Variants in MYO5A observed in about 807,000 individuals in gnomAD.
The protein encoded by MYO5A is myosin VA.
MYO5A carries 98 observed loss-of-function variants against 249.7 expected under a neutral mutation model. The observed-to-expected ratio is 0.39, with a 90% CI of 0.33 to 0.46. The LOEUF (loss-of-function observed/expected upper bound fraction) is 0.46. Among genes scored for constraint, MYO5A ranks in the 20% least tolerant of loss-of-function variants. The pLI, the probability that MYO5A is intolerant of heterozygous loss-of-function variation, is 0.98. For synonymous variants in MYO5A, 778 were observed against 810.6 expected (o/e 0.96, Z 0.68); for missense variants, 1,696 against 2,308.8 (o/e 0.73, Z 5.44).
rs780326452 is a variant in MYO5A, at chr15:52,360,089, G to A, written c.3310-8C>T. 6.4e-7 allele frequency: 1 copy of A among 1,572,618 alleles called. No homozygotes were observed. Among genetic ancestry groups the A allele is most frequent in the South Asian group, 1.1e-5 (1 of 89,888 alleles). On this transcript the variant is annotated splice_region_variant and splice_polypyrimidine_tract_variant and intron_variant, in intron 24 of 41. Coordinates refer to ENST00000399233, the MANE Select transcript of MYO5A (RefSeq NM_001382347.1). Reference sequence around the variant, plus strand: ...TCCAGGCTTAGGCACATGCTGCAAGGCAAATAACCCAGGTATAATTAATGC... The same window carrying A: ...TCCAGGCTTAGGCACATGCTGCAAGACAAATAACCCAGGTATAATTAATGC...
At chr15:52,348,920 A>G in intron 28 of MYO5A, 94 bp from the exon 29 acceptor site, 2 of 1,343,158 alleles carry the variant, frequency 1.5e-6, no homozygotes, top group Non-Finnish European at 2.1e-6. Flanking sequence ...CTATTATAAC[A>G]GATAAAAGCT....
chr15:52,423,984 C>T (rs1248406739), intron 4 of MYO5A, among the ~76,000 whole-genome samples: 1 of 152,182 alleles, frequency 6.6e-6, no homozygotes, highest in African/African-American at 2.4e-5. Flanking sequence ...ATTCTCTGAG[C>T]ACTATATAAT....
At chr15:52,322,204 C>T (rs1271635815) in intron 37 of MYO5A, among the ~76,000 whole-genome samples, 2 of 152,264 alleles carry the variant, frequency 1.3e-5, no homozygotes, top group East Asian at 1.9e-4. Context: ...TTACCACCTA[C>T]TTAATGACTG....
intron 1 of MYO5A, among the ~76,000 whole-genome samples, chr15:52,491,058 C>T (rs977623501): frequency 6.6e-6 from 1 of 152,090 alleles, no homozygotes; most frequent in African/African-American, 2.4e-5. Flanking sequence ...ACATTACTGA[C>T]CTGTACACTT....
intron 1 of MYO5A, among the ~76,000 whole-genome samples, chr15:52,467,736 A>C (rs2076380420): frequency 6.6e-6 from 1 of 152,224 alleles, no homozygotes; most frequent in African/African-American, 2.4e-5. Context: ...GACTGTCTAA[A>C]GTCAAAGTGA....
intron 14 of MYO5A, 43 bp downstream of exon 14, chr15:52,387,786 C>T (rs1317062939): frequency 1.4e-6 from 2 of 1,379,998 alleles, no homozygotes; most frequent in Admixed American, 1.7e-5. Flanking sequence ...AAAGCTAATG[C>T]TTTGCATACA....
At chr15:52,454,221 T>C (rs979944728) in intron 1 of MYO5A, among the ~76,000 whole-genome samples, 9 of 152,132 alleles carry the variant, frequency 5.9e-5, no homozygotes, top group South Asian at 2.1e-4. Flanking sequence ...GCTATACTTG[T>C]ATCAGATAAA....
intron 36 of MYO5A, among the ~76,000 whole-genome samples, chr15:52,325,406 C>A (rs965619414): frequency 1.3e-4 from 20 of 149,514 alleles, no homozygotes; most frequent in South Asian, 6.3e-4. Context: ...CTAAGCCCCC[C>A]ACTTTTTTTT....
rs1316832359 is a variant in MYO5A at position 52,311,480 on chromosome 15, G to A, written c.*2216C>T. 6.6e-6 allele frequency: 1 copy of A among 152,162 alleles called. No individual in the cohort carries two copies. Among genetic ancestry groups the A allele is most frequent in the Non-Finnish European group, 1.5e-5 (1 of 68,034 alleles). 9.4% of individuals were successfully genotyped at this position (152,162 alleles called of 1,614,324 possible). On this transcript the variant is annotated 3_prime_UTR_variant, in exon 42 of 42. Coordinates refer to ENST00000399233, the MANE Select transcript of MYO5A (RefSeq NM_001382347.1). ...TTTGATGCAATTGGTAGTGTTTCTG[G>A]TTGATACTGCAAATAAATAAATAAA...
intron 1 of MYO5A, among the ~76,000 whole-genome samples, chr15:52,475,210 A>G (rs539608921): frequency 6.6e-6 from 1 of 152,274 alleles, no homozygotes; most frequent in South Asian, 2.1e-4. Context: ...GGTAGTTTGT[A>G]TCTCTGTGAG....
At chr15:52,439,335 G>A (rs1030384439) in intron 1 of MYO5A, among the ~76,000 whole-genome samples, 1 of 152,110 alleles carries the variant, frequency 6.6e-6, no homozygotes, top group African/African-American at 2.4e-5. Context: ...AGTGATCCCC[G>A]TTTCCTCTTC....
At chr15:52,510,354 A>T (rs111862361) in intron 1 of MYO5A, among the ~76,000 whole-genome samples, 7 of 152,322 alleles carry the variant, frequency 4.6e-5, no homozygotes, top group African/African-American at 1.7e-4. Flanking sequence ...CACCACTATG[A>T]CAGTTATCTT....
chr15:52,462,835 G>A (rs1053219051), intron 1 of MYO5A, among the ~76,000 whole-genome samples: 14 of 147,848 alleles, frequency 9.5e-5, no homozygotes, highest in East Asian at 2.0e-4. Flanking sequence ...GCGACAGCGA[G>A]AATCCGTCTT....
At chr15:52,488,079 T>C (rs946841463) in intron 1 of MYO5A, among the ~76,000 whole-genome samples, 1 of 152,076 alleles carries the variant, frequency 6.6e-6, no homozygotes, top group African/African-American at 2.4e-5. Flanking sequence ...AAAGTTCCTT[T>C]ACTTTATTGA....
At chr15:52,503,134 C>A (rs1313423110) in intron 1 of MYO5A, among the ~76,000 whole-genome samples, 1 of 152,052 alleles carries the variant, frequency 6.6e-6, no homozygotes, top group East Asian at 1.9e-4. Context: ...AGTGGGATAA[C>A]TACAGGTTAC....
chr15:52,509,027 A>T (rs1024100793), intron 1 of MYO5A, among the ~76,000 whole-genome samples: 8 of 151,526 alleles, frequency 5.3e-5, no homozygotes, highest in Admixed American at 3.3e-4. Flanking sequence ...GCTGGAGTGC[A>T]ATGGTTTGAT....
intron 1 of MYO5A, among the ~76,000 whole-genome samples, chr15:52,519,737 GC>G (rs1224225441): frequency 6.6e-6 from 1 of 151,550 alleles, no homozygotes; most frequent in African/African-American, 2.4e-5. Context: ...ACGCTCCATG[GC>G]TTTTTTTTTT....
intron 1 of MYO5A, among the ~76,000 whole-genome samples, chr15:52,492,756 T>G (rs2141544520): frequency 1.3e-5 from 2 of 152,272 alleles, no homozygotes; most frequent in Middle Eastern, 3.4e-3. Flanking sequence ...GGGACTTGCT[T>G]CAAAATAACA....
chr15:52,513,768 G>A (rs2077443837), intron 1 of MYO5A, among the ~76,000 whole-genome samples: 1 of 152,138 alleles, frequency 6.6e-6, no homozygotes, highest in South Asian at 2.1e-4. Flanking sequence ...ACTAGGCTGG[G>A]GAAGTAAGTG....
Sources: gnomAD v4.1 joint callset for allele counts (sites outside exome capture counted in the v4.1 genomes callset) on GRCh38, gnomAD v4.1.1 for gene constraint, MANE v1.5 for transcripts, NCBI Gene and HGNC (gene_info 2026-07-23, HGNC 2026-07-21) for gene names.